Variants in DTD1 observed in about 807,000 individuals in gnomAD.
The protein encoded by DTD1 is D-tyrosyl-tRNA deacylase 1 homolog.
DTD1 carries 13 observed loss-of-function variants against 25.6 expected under a neutral mutation model. That is an observed-to-expected ratio of 0.51 (90% confidence interval 0.33 to 0.81). The LOEUF (loss-of-function observed/expected upper bound fraction) is 0.81. DTD1 is among the 30% of genes least tolerant of loss of function. DTD1 has a pLI of 0.02. For synonymous variants in DTD1, 110 were observed against 103.6 expected (o/e 1.06, Z -0.37); for missense variants, 193 against 266.4 (o/e 0.72, Z 1.92).
intron 4 of DTD1, among the ~76,000 whole-genome samples, chr20:18,686,664 G>GTA (rs1170415252): frequency 2.0e-5 from 3 of 151,850 alleles, no homozygotes; most frequent in African/African-American, 4.8e-5. Flanking sequence ...GTGTGTGTGT[G>GTA]TGTGTGTGTG....
At chr20:18,709,318 A>G (rs2061148876) in intron 4 of DTD1, among the ~76,000 whole-genome samples, 1 of 152,148 alleles carries the variant, frequency 6.6e-6, no homozygotes, top group Non-Finnish European at 1.5e-5. Context: ...ACCTAGGGTG[A>G]TATAATCATA....
intron 4 of DTD1, among the ~76,000 whole-genome samples, chr20:18,666,513 AT>A (rs761052982): frequency 2.6e-5 from 4 of 151,748 alleles, no homozygotes; most frequent in Admixed American, 1.3e-4. Flanking sequence ...TAAACAAGAA[AT>A]TTTTTTTTAG....
chr20:18,632,192 A>AT, intron 4 of DTD1: 1 of 985,450 alleles, frequency 1.0e-6, no homozygotes, highest in Non-Finnish European at 1.2e-6. Flanking sequence ...TCAAGTAGGC[A>AT]TTTTTTAAAC....
chr20:18,618,184 G>C (rs2060716997), intron 3 of DTD1, among the ~76,000 whole-genome samples: 1 of 152,170 alleles, frequency 6.6e-6, no homozygotes, highest in African/African-American at 2.4e-5. Context: ...ATTTCTCCTA[G>C]CTCTGTTGGC....
chr20:18,626,952 C>T (rs1381562808), intron 3 of DTD1, among the ~76,000 whole-genome samples: 2 of 152,174 alleles, frequency 1.3e-5, no homozygotes, highest in Non-Finnish European at 2.9e-5. Flanking sequence ...TTTTAGCATG[C>T]AATTAAACAC....
intron 4 of DTD1, among the ~76,000 whole-genome samples, chr20:18,743,713 AAAC>A (rs996277153): frequency 1.7e-4 from 26 of 151,882 alleles, no homozygotes; most frequent in Non-Finnish European, 2.6e-4. Flanking sequence ...AGAAAAAAGA[AAAC>A]AACAAGTAGA....
chr20:18,669,298 GT>G lies in DTD1; in HGVS notation c.477+41066del, dbSNP rs1159512677. ...CAGGGTCCCCTCCCACTGGTCAAGGGTCTGCCCTTGATGCTGCCTGATGCCC... is the reference window on the plus strand; with the variant it reads ...CAGGGTCCCCTCCCACTGGTCAAGGGCTGCCCTTGATGCTGCCTGATGCCC... On this transcript the variant is annotated intron_variant, in intron 4 of 5. Transcript: ENST00000377452. Among the ~76,000 whole-genome samples, 7 of 152,282 alleles carry G rather than the reference GT, an allele frequency of 4.6e-5. No homozygotes were observed. In the East Asian group the frequency reaches 1.2e-3, roughly 25 times the overall value.
At chr20:18,668,285 G>C (rs1177793826) in intron 4 of DTD1, among the ~76,000 whole-genome samples, 1 of 152,214 alleles carries the variant, frequency 6.6e-6, no homozygotes, top group African/African-American at 2.4e-5. Context: ...CTGGTTGTAG[G>C]ATATAGTTGG....
At chr20:18,757,887 A>T (rs928611068) in intron 5 of DTD1, among the ~76,000 whole-genome samples, 6 of 152,206 alleles carry the variant, frequency 3.9e-5, no homozygotes, top group Non-Finnish European at 8.8e-5. Flanking sequence ...TTCAGCTGTG[A>T]ATCCATCTGG....
chr20:18,699,757 CAT>C (rs1388718147), intron 4 of DTD1, among the ~76,000 whole-genome samples: 4 of 152,128 alleles, frequency 2.6e-5, no homozygotes, highest in Non-Finnish European at 5.9e-5. Context: ...CAAGAGTGAT[CAT>C]GTGTGTGTTT....
chr20:18,638,100 T>C (rs1356048581), intron 4 of DTD1, among the ~76,000 whole-genome samples: 1 of 152,230 alleles, frequency 6.6e-6, no homozygotes, highest in Non-Finnish European at 1.5e-5. Flanking sequence ...AAAAAGCTCA[T>C]GCTCATTTGT....
At chr20:18,648,995 C>CAAAAAAA (rs57780175) in intron 4 of DTD1, among the ~76,000 whole-genome samples, 59 of 56,238 alleles carry the variant, frequency 1.0e-3, no homozygotes, top group Admixed American at 1.3e-3. Context: ...GACTCCATCT[C>CAAAAAAA]AAAAAAAAAA....
intron 4 of DTD1, among the ~76,000 whole-genome samples, chr20:18,639,704 G>A (rs560989080): frequency 8.7e-4 from 133 of 152,214 alleles, no homozygotes; most frequent in African/African-American, 3.0e-3. Context: ...AAATATATTC[G>A]TTTGACTATT....
chr20:18,704,922 T>G (rs536082773), intron 4 of DTD1, among the ~76,000 whole-genome samples: 1 of 152,312 alleles, frequency 6.6e-6, no homozygotes, highest in African/African-American at 2.4e-5. Flanking sequence ...GAGACTTGGG[T>G]CACACTAAAT....
At chr20:18,633,089 A>G (rs995638795) in intron 4 of DTD1, among the ~76,000 whole-genome samples, 6 of 152,228 alleles carry the variant, frequency 3.9e-5, no homozygotes, top group Non-Finnish European at 7.3e-5. Flanking sequence ...TTACAAGACC[A>G]TTCAGTTTGT....
intron 1 of DTD1, chr20:18,588,778 A>T: frequency 4.1e-6 from 4 of 985,012 alleles, no homozygotes; most frequent in Non-Finnish European, 4.8e-6. Context: ...TTTCTTGTGG[A>T]CCAAGCTACC....
chr20:18,761,142 C>T (rs948648382), intron 5 of DTD1, among the ~76,000 whole-genome samples: 42 of 152,282 alleles, frequency 2.8e-4, no homozygotes, highest in Non-Finnish European at 2.5e-4. Flanking sequence ...TCACCCCTTT[C>T]CTTGGCTAGG....
intron 2 of DTD1, 125 bp from the exon 3 acceptor site, chr20:18,595,881 C>G (rs1231250460): frequency 1.8e-5 from 14 of 773,268 alleles, no homozygotes; most frequent in Non-Finnish European, 3.1e-5. Flanking sequence ...GTCATGCCTC[C>G]TGTCAGGGAT....
chr20:18,738,688 A>G (rs1036617188), intron 4 of DTD1, among the ~76,000 whole-genome samples: 2 of 152,150 alleles, frequency 1.3e-5, no homozygotes, highest in Non-Finnish European at 2.9e-5. Flanking sequence ...TTTGTGTCAC[A>G]TGCCATGTGA....
Sources: gnomAD v4.1 joint callset for allele counts (sites outside exome capture counted in the v4.1 genomes callset) on GRCh38, gnomAD v4.1.1 for gene constraint, MANE v1.5 for transcripts, NCBI Gene and HGNC (gene_info 2026-07-23, HGNC 2026-07-21) for gene names.